Variants in ADAMTSL1 observed in about 807,000 individuals in gnomAD.
The protein encoded by ADAMTSL1 is ADAMTS-like protein 1.
In ADAMTSL1, 126 loss-of-function variants were observed where a neutral mutation model predicts 201.8. The ratio of observed to expected loss-of-function variants is 0.62; its 90% CI spans 0.54 to 0.72. The LOEUF (loss-of-function observed/expected upper bound fraction) is 0.72, where lower values mean the gene tolerates loss of function less well. Among genes scored for constraint, ADAMTSL1 ranks in the 30% least tolerant of loss-of-function variants. ADAMTSL1 has a pLI of 0.00. For missense variants in ADAMTSL1, 2,679 were observed against 2,277.8 expected (o/e 1.18, Z -3.59); for synonymous variants, 1,121 against 903.4 (o/e 1.24, Z -4.32).
At chr9:18,486,381 C>T (rs953732781) in intron 1 of ADAMTSL1, among the ~76,000 whole-genome samples, 2 of 152,222 alleles carry the variant, frequency 1.3e-5, no homozygotes, top group Admixed American at 6.5e-5. Flanking sequence ...TCTCAGCGAG[C>T]TTTTAAAAAT....
At chr9:18,332,325 A>G (rs1236639024) in intron 2 of ADAMTSL1, among the ~76,000 whole-genome samples, 1 of 152,220 alleles carries the variant, frequency 6.6e-6, no homozygotes, top group African/African-American at 2.4e-5. Flanking sequence ...TATGTTAATT[A>G]TAAGTAAAAA....
At chr9:18,568,329 G>C (rs1822070741) in intron 3 of ADAMTSL1, among the ~76,000 whole-genome samples, 2 of 152,116 alleles carry the variant, frequency 1.3e-5, no homozygotes, top group South Asian at 4.1e-4. Flanking sequence ...ATATGTAAAA[G>C]AGGCAGCCCA....
At chr9:18,469,250 G>C (rs1237770176), upstream of ADAMTSL1, among the ~76,000 whole-genome samples, 1 of 152,118 alleles carries the variant, frequency 6.6e-6, no homozygotes, top group Non-Finnish European at 1.5e-5. Context: ...GCTTTACAAA[G>C]AGTCAGTATA....
At chr9:18,813,299 C>A (rs1442543631) in intron 20 of ADAMTSL1, among the ~76,000 whole-genome samples, 2 of 152,116 alleles carry the variant, frequency 1.3e-5, no homozygotes, top group African/African-American at 4.8e-5. Context: ...GTTTCTTTGG[C>A]TATTTGGGGT....
intron 2 of ADAMTSL1, among the ~76,000 whole-genome samples, chr9:18,445,470 T>C (rs1389406870): frequency 6.6e-6 from 1 of 152,172 alleles, no homozygotes; most frequent in Non-Finnish European, 1.5e-5. Context: ...TAAGAGTTCT[T>C]CAATATCCCA....
rs771574623 is a variant in ADAMTSL1 at position 17,921,486 on chromosome 9, G to C, written c.87+14564G>C. 1.5e-4 allele frequency among the ~76,000 whole-genome samples: 23 copies of C among 152,140 alleles called. 1 individual carries two copies. Among genetic ancestry groups the C allele is most frequent in the Non-Finnish European group, 2.2e-4 (15 of 68,026 alleles). ...TTATTTATTTACTGTTATTTTAGCA[G>C]ACATTTGGGAGAGAAAATATGGTGT... On this transcript the variant is annotated intron_variant, in intron 1 of 29. Coordinates refer to the ADAMTSL1 transcript ENST00000680146.
intron 2 of ADAMTSL1, among the ~76,000 whole-genome samples, chr9:18,395,034 T>G (rs1463311631): frequency 1.3e-5 from 2 of 152,224 alleles, no homozygotes; most frequent in Non-Finnish European, 2.9e-5. Flanking sequence ...CCTTTTTGTC[T>G]GAGATTTGAT....
At chr9:17,998,355 G>T (rs995981134) in intron 1 of ADAMTSL1, among the ~76,000 whole-genome samples, 1 of 152,006 alleles carries the variant, frequency 6.6e-6, no homozygotes, top group Non-Finnish European at 1.5e-5. Context: ...GATAAAGGGG[G>T]TTATGGGGCT....
intron 1 of ADAMTSL1, among the ~76,000 whole-genome samples, chr9:18,060,889 T>C (rs1425910947): frequency 2.6e-5 from 4 of 152,196 alleles, no homozygotes; most frequent in African/African-American, 9.6e-5. Context: ...ATCTCAGTAA[T>C]GGCAAACATT....
At chr9:17,966,042 A>G (rs1279601283) in intron 1 of ADAMTSL1, among the ~76,000 whole-genome samples, 1 of 152,186 alleles carries the variant, frequency 6.6e-6, no homozygotes, top group African/African-American at 2.4e-5. Context: ...GTACCAGTGC[A>G]GTGGAATAAA....
chr9:18,740,457 CTTTTTTTTTTTTTCTTTTATCTTT>C (rs1322420724), intron 15 of ADAMTSL1, among the ~76,000 whole-genome samples: 36 of 126,600 alleles, frequency 2.8e-4, no homozygotes, highest in Non-Finnish European at 4.9e-4. Context: ...ATGTTCCTTT[CTTTTTTTTTTTTTCTTTTATCTTT>C]TTTTTTTTTT....
At chr9:18,083,185 A>C (rs1823589206) in intron 1 of ADAMTSL1, among the ~76,000 whole-genome samples, 1 of 152,170 alleles carries the variant, frequency 6.6e-6, no homozygotes. Context: ...TGAAGGCAAT[A>C]TTTGAGGTTT....
intron 1 of ADAMTSL1, among the ~76,000 whole-genome samples, chr9:17,955,718 T>A (rs1002244429): frequency 6.6e-6 from 1 of 152,206 alleles, no homozygotes; most frequent in African/African-American, 2.4e-5. Context: ...TTAGATTAAC[T>A]GTTGTGGTAT....
intron 2 of ADAMTSL1, chr9:18,360,568 A>AT (rs1315137472): frequency 2.0e-5 from 3 of 152,092 alleles, no homozygotes; most frequent in Non-Finnish European, 4.4e-5. Context: ...TAAATAAAAG[A>AT]TTTTTTATTT....
intron 16 of ADAMTSL1, among the ~76,000 whole-genome samples, chr9:18,762,155 A>G (rs976903075): frequency 6.6e-6 from 1 of 152,186 alleles, no homozygotes; most frequent in African/African-American, 2.4e-5. Flanking sequence ...TATAAAGATG[A>G]ATGAATTCCC....
At chr9:18,181,682 G>C (rs1828485436) in intron 2 of ADAMTSL1, among the ~76,000 whole-genome samples, 1 of 152,022 alleles carries the variant, frequency 6.6e-6, no homozygotes, top group Non-Finnish European at 1.5e-5. Flanking sequence ...CTTTTACACT[G>C]TTGGTGGGAC....
At chr9:18,903,011 C>T (rs1205871789) in intron 26 of ADAMTSL1, among the ~76,000 whole-genome samples, 1 of 152,106 alleles carries the variant, frequency 6.6e-6, no homozygotes, top group African/African-American at 2.4e-5. Context: ...TCAAGACCAG[C>T]CTGGCCAACA....
chr9:18,558,011 C>G (rs535966050), intron 3 of ADAMTSL1, among the ~76,000 whole-genome samples: 2 of 151,944 alleles, frequency 1.3e-5, no homozygotes, highest in South Asian at 2.1e-4. Flanking sequence ...GGGAGAGTTG[C>G]TTTTTTAAAA....
At chr9:18,349,074 T>C (rs183908888) in intron 2 of ADAMTSL1, among the ~76,000 whole-genome samples, 5 of 152,306 alleles carry the variant, frequency 3.3e-5, no homozygotes, top group Admixed American at 2.0e-4. Context: ...ATTTTACTAG[T>C]GGCAGAAACA....
Sources: gnomAD v4.1 joint callset for allele counts (sites outside exome capture counted in the v4.1 genomes callset) on GRCh38, gnomAD v4.1.1 for gene constraint, MANE v1.5 for transcripts, NCBI Gene and HGNC (gene_info 2026-07-23, HGNC 2026-07-21) for gene names.